The following UPRT variants were observed in gnomAD, a reference collection of about 807,000 sequenced individuals.
UPRT encodes RP11-311P8.3.
UPRT carries 5 observed loss-of-function variants against 22.6 expected under a neutral mutation model. That is an observed-to-expected ratio of 0.22 (90% CI 0.12 to 0.47). The LOEUF is 0.47. UPRT is among the 20% of genes least tolerant of loss of function. UPRT has a pLI of 0.99. For synonymous variants in UPRT, 77 were observed against 87.7 expected (o/e 0.88, Z 0.68); for missense variants, 181 against 239.9 (o/e 0.75, Z 1.62).
At chrX:75,222,955 C>A (rs1381801771) in intron 4 of UPRT, among the ~76,000 whole-genome samples, 1 of 110,604 alleles carries the variant, frequency 9.0e-6, no homozygotes, top group Middle Eastern at 4.2e-3. Context: ...ACATCTGAAA[C>A]CAGCACATTT....
At chrX:75,296,594 TTTG>T (rs1411984303) in intron 3 of UPRT, among the ~76,000 whole-genome samples, 183 bp downstream of exon 3, 1 of 111,376 alleles carries the variant, frequency 9.0e-6, no homozygotes, top group African/African-American at 3.3e-5. Context: ...TAGATGACTT[TTTG>T]TTAAGGGCTT....
intron 4 of UPRT, among the ~76,000 whole-genome samples, chrX:75,223,310 G>T (rs2082415276): frequency 9.1e-6 from 1 of 109,972 alleles, no homozygotes; most frequent in African/African-American, 3.3e-5. Context: ...TCTGGTGTTG[G>T]GGGAGGGGTG....
intron 4 of UPRT, among the ~76,000 whole-genome samples, chrX:75,196,190 C>G (rs141569866): frequency 0.029 from 3,210 of 111,714 alleles, 116 homozygotes; most frequent in African/African-American, 0.1. Flanking sequence ...TTTAAAGAGA[C>G]AGTCTCACTC....
chrX:75,252,344 AG>A (rs2082533736), intron 4 of UPRT, among the ~76,000 whole-genome samples: 1 of 112,209 alleles, frequency 8.9e-6, no homozygotes, highest in Non-Finnish European at 1.9e-5. Context: ...CAAATTTACA[AG>A]AAAAAAACAA....
chrX:75,236,837 A>C (rs2147648442), intron 4 of UPRT, among the ~76,000 whole-genome samples: 1 of 112,589 alleles, frequency 8.9e-6, no homozygotes, highest in South Asian at 3.6e-4. Flanking sequence ...ACCTAAAACC[A>C]TAGAAACCCT....
intron 4 of UPRT, among the ~76,000 whole-genome samples, chrX:75,262,203 G>T (rs2082570892): frequency 9.0e-6 from 1 of 111,478 alleles, no homozygotes; most frequent in Non-Finnish European, 1.9e-5. Context: ...AAGAGAAGGA[G>T]AAATAAAATC....
intron 4 of UPRT, among the ~76,000 whole-genome samples, chrX:75,267,729 C>T (rs1329988843): frequency 8.9e-6 from 1 of 111,890 alleles, no homozygotes; most frequent in Non-Finnish European, 1.9e-5. Flanking sequence ...AAAGACACAA[C>T]ATAGCAGAAT....
At chrX:75,244,250 C>A (rs2082496952) in intron 4 of UPRT, among the ~76,000 whole-genome samples, 1 of 111,338 alleles carries the variant, frequency 9.0e-6, no homozygotes, top group African/African-American at 3.3e-5. Flanking sequence ...TTCCTTTTAC[C>A]TGTTACTCAT....
intron 2 of UPRT, among the ~76,000 whole-genome samples, chrX:75,162,106 C>CTT (rs5902736): frequency 1.5e-4 from 12 of 78,960 alleles, no homozygotes; most frequent in Admixed American, 7.6e-4. Flanking sequence ...TCTTTCTTTT[C>CTT]TTTTTTTTTT....
At chrX:75,233,331 G>T (rs1316448380) in intron 4 of UPRT, among the ~76,000 whole-genome samples, 1 of 111,327 alleles carries the variant, frequency 9.0e-6, no homozygotes, top group Non-Finnish European at 1.9e-5. Flanking sequence ...GAAAGTGACG[G>T]GGAGAATGGA....
At chrX:75,253,056 G>C (rs922583509) in intron 4 of UPRT, among the ~76,000 whole-genome samples, 35 of 110,849 alleles carry the variant, frequency 3.2e-4, no homozygotes, top group Admixed American at 7.7e-4. Context: ...GTTGGAGGAG[G>C]GGGGAGGGAT....
intron 4 of UPRT, among the ~76,000 whole-genome samples, chrX:75,244,477 G>GA (rs760364355): frequency 9.0e-6 from 1 of 111,213 alleles, no homozygotes; most frequent in African/African-American, 3.3e-5. Context: ...TAAGCAAAAA[G>GA]AAAAAAGGCA....
intron 4 of UPRT, among the ~76,000 whole-genome samples, chrX:75,182,816 T>A (rs2082275317): frequency 9.0e-6 from 1 of 110,663 alleles, no homozygotes. Context: ...CATTGATATT[T>A]TGTATGGCTT....
chrX:75,188,251 C>G (rs1307329048), intron 4 of UPRT, among the ~76,000 whole-genome samples: 1 of 111,576 alleles, frequency 9.0e-6, no homozygotes. Context: ...AGACAGGACC[C>G]TCAGCTGCAG....
intron 4 of UPRT, among the ~76,000 whole-genome samples, chrX:75,245,459 A>T (rs2082501858): frequency 9.0e-6 from 1 of 111,234 alleles, no homozygotes; most frequent in African/African-American, 3.3e-5. Context: ...CCAAAGAAAT[A>T]TAAAACATTC....
upstream of UPRT, among the ~76,000 whole-genome samples, chrX:75,270,899 TATA>T (rs2082606191): frequency 9.1e-6 from 1 of 110,124 alleles, no homozygotes; most frequent in South Asian, 3.9e-4. Context: ...GAACTTAAAG[TATA>T]ATAAGGAAAA....
At chrX:75,296,877 C>G (rs993294599) in intron 3 of UPRT, among the ~76,000 whole-genome samples, 12 of 111,854 alleles carry the variant, frequency 1.1e-4, no homozygotes, top group African/African-American at 3.9e-4. Context: ...CCAAAGATCC[C>G]TGTTTCAGGG....
intron 1 of UPRT, among the ~76,000 whole-genome samples, chrX:75,282,611 T>G (rs752640378): frequency 8.9e-6 from 1 of 112,138 alleles, no homozygotes; most frequent in African/African-American, 3.2e-5. Flanking sequence ...TGATTTCCAG[T>G]TTTATTCCAC....
chrX:75,272,304 ATATATGTG>A (rs1220651162), upstream of UPRT, among the ~76,000 whole-genome samples: 14 of 17,377 alleles, frequency 8.1e-4, no homozygotes, highest in East Asian at 0.024. Context: ...ATATGTGTAT[ATATATGTG>A]TATATATACA....
Sources: allele counts gnomAD v4.1 joint callset (sites outside exome capture counted in the v4.1 genomes callset), GRCh38; gene constraint gnomAD v4.1.1; transcripts MANE v1.5; gene names NCBI Gene and HGNC (gene_info 2026-07-23, HGNC 2026-07-21).